GRIN2B: variants seen among roughly 807,000 people sequenced by gnomAD.
GRIN2B encodes the protein glutamate receptor ionotropic, NMDA 2B.
Under a neutral mutation model 114.5 loss-of-function variants are expected in GRIN2B, and 5 were observed. The ratio of observed to expected loss-of-function variants is 0.04; its 90% CI spans 0.02 to 0.09. The LOEUF is 0.09. GRIN2B is among the 10% of genes least tolerant of loss of function. The pLI, the probability that GRIN2B is intolerant of heterozygous loss-of-function variation, is 1.00. For missense variants in GRIN2B, 1,108 were observed against 1,943.5 expected (o/e 0.57, Z 8.08); for synonymous variants, 787 against 745.1 (o/e 1.06, Z -0.92).
chr12:13,792,069 G>A (rs531562639), intron 3 of GRIN2B, among the ~76,000 whole-genome samples: 1 of 152,322 alleles, frequency 6.6e-6, no homozygotes, highest in African/African-American at 2.4e-5. Flanking sequence ...TCGTCTTTCT[G>A]TGCTTCGTTG....
At chr12:13,618,342 C>A (rs1263824169) in intron 5 of GRIN2B, among the ~76,000 whole-genome samples, 1 of 152,118 alleles carries the variant, frequency 6.6e-6, no homozygotes, top group African/African-American at 2.4e-5. Flanking sequence ...ATATTCTGCA[C>A]CTTCAATAAT....
At position 13,560,394 on chromosome 12, in the gene GRIN2B, A is replaced by T. The variant is rs1948526340; in HGVS notation, c.*2389T>A. The T allele has an allele frequency of 6.6e-6, 1 of 152,250 alleles. No individual in the cohort carries two copies. Among genetic ancestry groups the T allele is most frequent in the Admixed American group, 6.5e-5 (1 of 15,292 alleles). The allele number at this position is 152,250 out of a possible 1,614,324, so 9.4% of individuals were successfully genotyped here. ...AACACTTTATCTATACAAAATTAGAAAACAAAATATTTACATATGAAATAA... is the reference window on the plus strand; with the variant it reads ...AACACTTTATCTATACAAAATTAGATAACAAAATATTTACATATGAAATAA... On this transcript the variant is annotated 3_prime_UTR_variant, in exon 14 of 14. Coordinates refer to ENST00000609686, the MANE Select transcript of GRIN2B (RefSeq NM_000834.5).
intron 9 of GRIN2B, among the ~76,000 whole-genome samples, chr12:13,609,181 G>A (rs1428854873): frequency 6.6e-6 from 1 of 152,154 alleles, no homozygotes; most frequent in East Asian, 1.9e-4. Context: ...GGCCAACTAT[G>A]TCACTATGGT....
intron 5 of GRIN2B, among the ~76,000 whole-genome samples, chr12:13,641,577 A>T (rs925544104): frequency 3.9e-5 from 6 of 152,222 alleles, no homozygotes; most frequent in Admixed American, 1.3e-4. Context: ...TTCTAATTGC[A>T]TCCCCCAAGA....
chr12:13,791,201 C>T (rs1315555866), intron 3 of GRIN2B, among the ~76,000 whole-genome samples: 2 of 152,124 alleles, frequency 1.3e-5, no homozygotes, highest in Non-Finnish European at 1.5e-5. Flanking sequence ...CGGTGGCTCA[C>T]ACTTGTAATC....
At chr12:13,821,040 G>T (rs1864925044) in intron 3 of GRIN2B, among the ~76,000 whole-genome samples, 1 of 151,230 alleles carries the variant, frequency 6.6e-6, no homozygotes, top group South Asian at 2.1e-4. Flanking sequence ...TACAAAGTTT[G>T]CCCCAGTTAC....
chr12:13,840,949 T>C (rs530091413), intron 3 of GRIN2B, among the ~76,000 whole-genome samples: 6 of 152,228 alleles, frequency 3.9e-5, no homozygotes, highest in Non-Finnish European at 5.9e-5. Flanking sequence ...TTCCTCACTA[T>C]GAGTATGAAT....
chr12:13,914,317 G>A (rs1866674345), intron 2 of GRIN2B, among the ~76,000 whole-genome samples: 1 of 152,122 alleles, frequency 6.6e-6, no homozygotes, highest in East Asian at 1.9e-4. Flanking sequence ...GGTACTTAAT[G>A]CCTCTTAGTC....
chr12:13,938,163 T>G (rs547888117), intron 2 of GRIN2B, among the ~76,000 whole-genome samples: 1 of 151,962 alleles, frequency 6.6e-6, no homozygotes, highest in East Asian at 1.9e-4. Flanking sequence ...AGAGAAGCAA[T>G]GAAAATCAGA....
At chr12:13,852,800 C>G (rs1284641512) in intron 3 of GRIN2B, among the ~76,000 whole-genome samples, 1 of 151,890 alleles carries the variant, frequency 6.6e-6, no homozygotes, top group African/African-American at 2.4e-5. Context: ...TATGCTCCAT[C>G]CACGATACTA....
chr12:13,926,020 A>C (rs1403241721), intron 2 of GRIN2B, among the ~76,000 whole-genome samples: 15 of 152,150 alleles, frequency 9.9e-5, no homozygotes, highest in Non-Finnish European at 2.2e-4. Context: ...AGAGGAGGCA[A>C]TGGAACGGGG....
chr12:13,803,979 A>G (rs372554214), intron 3 of GRIN2B, among the ~76,000 whole-genome samples: 17 of 152,300 alleles, frequency 1.1e-4, no homozygotes, highest in African/African-American at 3.4e-4. Context: ...ATTGTTCTCA[A>G]TATGAATTGC....
chr12:13,764,272 C>T (rs761991969), intron 3 of GRIN2B, among the ~76,000 whole-genome samples: 64 of 152,102 alleles, frequency 4.2e-4, no homozygotes, highest in Non-Finnish European at 1.8e-4. Flanking sequence ...CTCTCTCTGG[C>T]CCAGCCCATC....
At chr12:13,794,130 G>C (rs536667889) in intron 3 of GRIN2B, among the ~76,000 whole-genome samples, 3 of 149,600 alleles carry the variant, frequency 2.0e-5, no homozygotes, top group South Asian at 4.3e-4. Context: ...GCTTGAGCTT[G>C]GGAGGTGGAG....
intron 5 of GRIN2B, among the ~76,000 whole-genome samples, chr12:13,637,001 T>C (rs1003949018): frequency 4.4e-4 from 67 of 151,774 alleles, no homozygotes; most frequent in African/African-American, 1.6e-3. Context: ...ACAGAGAAAA[T>C]CAAGAGTTTG....
Position 13,791,325 on chromosome 12 carries a change from G to A in GRIN2B, c.412-37410C>T, listed in dbSNP as rs890931358. 4.0e-5 allele frequency among the ~76,000 whole-genome samples: 6 copies of A among 151,876 alleles called. No individual in the cohort carries two copies. The East Asian group carries it at 9.7e-4, about 25-fold the overall frequency. ...AAATTAACTGGGTGTGGTGGCGGGC[G>A]CCTGTAGCCCAGCTACTCGGAGAGG... On this transcript the variant is annotated intron_variant, in intron 3 of 13. Coordinates refer to ENST00000609686, the MANE Select transcript of GRIN2B (RefSeq NM_000834.5).
chr12:13,649,935 C>T (rs1222452224), intron 5 of GRIN2B, among the ~76,000 whole-genome samples: 2 of 152,090 alleles, frequency 1.3e-5, no homozygotes, highest in African/African-American at 4.8e-5. Flanking sequence ...AAACTATACA[C>T]ATTACTATGT....
intron 3 of GRIN2B, among the ~76,000 whole-genome samples, chr12:13,813,655 G>A (rs1038661709): frequency 6.6e-6 from 1 of 152,190 alleles, no homozygotes; most frequent in Non-Finnish European, 1.5e-5. Context: ...AGATGAAGGC[G>A]CTTGCCAGAG....
At chr12:13,613,631 G>A (rs566481957) in intron 8 of GRIN2B, among the ~76,000 whole-genome samples, 1 of 152,238 alleles carries the variant, frequency 6.6e-6, no homozygotes, top group South Asian at 2.1e-4. Flanking sequence ...ACCATAGCTG[G>A]ATTTTAATCC....
Sources: allele counts gnomAD v4.1 joint callset (sites outside exome capture counted in the v4.1 genomes callset), GRCh38; gene constraint gnomAD v4.1.1; transcripts MANE v1.5; gene names NCBI Gene and HGNC (gene_info 2026-07-23, HGNC 2026-07-21).